Variants in RICTOR observed in about 807,000 individuals in gnomAD.
RICTOR encodes the protein RPTOR independent companion of MTOR complex 2.
A neutral mutation model predicts 214.9 loss-of-function variants in RICTOR; 49 were observed. The ratio of observed to expected loss-of-function variants is 0.23; its 90% CI spans 0.18 to 0.29. The LOEUF (loss-of-function observed/expected upper bound fraction) is 0.29, where lower values mean the gene tolerates loss of function less well. Ranked by LOEUF, RICTOR falls within the 10% of genes least tolerant of loss-of-function variation. The pLI is 1.00. For missense variants in RICTOR, 1,625 were observed against 2,047.0 expected (o/e 0.79, Z 3.98); for synonymous variants, 717 against 711.3 (o/e 1.01, Z -0.13).
intron 3 of RICTOR, among the ~76,000 whole-genome samples, chr5:39,005,050 G>A (rs1753944284): frequency 6.6e-6 from 1 of 152,114 alleles, no homozygotes; most frequent in Admixed American, 6.5e-5. Context: ...CAAAGTGCTG[G>A]GATTATGGGC....
At chr5:38,967,719 T>A (rs2150033333) in intron 12 of RICTOR, among the ~76,000 whole-genome samples, 1 of 152,302 alleles carries the variant, frequency 6.6e-6, no homozygotes, top group South Asian at 2.1e-4. Flanking sequence ...TTTGGCCCAT[T>A]CCTATTAATT....
chr5:39,033,004 C>G (rs1756380439), intron 2 of RICTOR, among the ~76,000 whole-genome samples: 2 of 152,176 alleles, frequency 1.3e-5, no homozygotes, highest in African/African-American at 4.8e-5. Context: ...AACATTACAG[C>G]ACATATAACA....
intron 2 of RICTOR, among the ~76,000 whole-genome samples, chr5:39,032,663 GAA>G (rs1240355261): frequency 6.6e-6 from 1 of 152,184 alleles, no homozygotes; most frequent in East Asian, 1.9e-4. Context: ...TCACACATTA[GAA>G]AAGAGGTTCA....
chr5:39,061,913 T>C (rs1164839135), intron 2 of RICTOR, among the ~76,000 whole-genome samples: 2 of 152,112 alleles, frequency 1.3e-5, no homozygotes, highest in South Asian at 2.1e-4. Context: ...AACAACAAAC[T>C]TTCCCATGAG....
chr5:39,058,881 G>C (rs1367681365), intron 2 of RICTOR, among the ~76,000 whole-genome samples: 2 of 151,782 alleles, frequency 1.3e-5, no homozygotes, highest in Non-Finnish European at 2.9e-5. Flanking sequence ...TAAATAATTT[G>C]ATTATTTTTC....
chr5:39,044,035 T>A (rs1757332894), intron 2 of RICTOR, among the ~76,000 whole-genome samples: 1 of 152,246 alleles, frequency 6.6e-6, no homozygotes, highest in South Asian at 2.1e-4. Flanking sequence ...AATCCATTAA[T>A]GGATTTACTA....
intron 2 of RICTOR, among the ~76,000 whole-genome samples, chr5:39,041,296 G>A (rs926965060): frequency 6.6e-6 from 1 of 152,146 alleles, no homozygotes; most frequent in Non-Finnish European, 1.5e-5. Flanking sequence ...GGAATAGCAA[G>A]AAATTCTATA....
intron 3 of RICTOR, among the ~76,000 whole-genome samples, 157 bp from the exon 4 acceptor site, chr5:39,003,779 T>A (rs1350820308): frequency 2.0e-5 from 3 of 152,176 alleles, no homozygotes; most frequent in Admixed American, 2.0e-4. Flanking sequence ...ATTTGTATCA[T>A]CTATTTCTCA....
chr5:38,945,951 T>C (rs753998963), intron 33 of RICTOR, among the ~76,000 whole-genome samples: 1 of 152,198 alleles, frequency 6.6e-6, no homozygotes, highest in Non-Finnish European at 1.5e-5. Context: ...ATTGAGATTA[T>C]ATAATACATC....
intron 2 of RICTOR, among the ~76,000 whole-genome samples, chr5:39,073,039 C>G (rs1759433585): frequency 6.6e-6 from 1 of 152,182 alleles, no homozygotes; most frequent in Non-Finnish European, 1.5e-5. Flanking sequence ...CAACAAGGAG[C>G]CCAGCTTTAA....
Position 38,966,557 on chromosome 5 carries a change from CA to C in RICTOR, c.1299+83del, listed in dbSNP as rs1297704414. The C allele has an allele frequency of 9.0e-5, 65 of 725,970 alleles. No homozygotes were observed. In the East Asian group the frequency reaches 1.8e-3, roughly 20 times the overall value. 45.0% of individuals were successfully genotyped at this position (725,970 alleles called of 1,614,324 possible). A position where few individuals can be genotyped will look rare whatever the true frequency, so the allele number is the denominator to read the frequency against. ...ATGCAAATTTATTTTTGAGATAATACAAAGCAACACTATTAAAATAACTTGT... is the reference window on the plus strand; with the variant it reads ...ATGCAAATTTATTTTTGAGATAATACAAGCAACACTATTAAAATAACTTGT... On this transcript the variant is annotated intron_variant, in intron 15 of 37. Transcript: ENST00000357387.
intron 2 of RICTOR, among the ~76,000 whole-genome samples, chr5:39,039,763 T>G (rs1253988299): frequency 6.6e-6 from 1 of 151,986 alleles, no homozygotes; most frequent in African/African-American, 2.4e-5. Context: ...AAAACCACAA[T>G]GAGATACCAT....
intron 2 of RICTOR, among the ~76,000 whole-genome samples, chr5:39,043,145 G>A (rs746019301): frequency 2.0e-5 from 3 of 152,044 alleles, no homozygotes; most frequent in South Asian, 2.1e-4. Flanking sequence ...CAAAGGAAAC[G>A]AAATCAGCAT....
intron 2 of RICTOR, among the ~76,000 whole-genome samples, chr5:39,041,003 C>T (rs887643577): frequency 6.6e-6 from 1 of 152,174 alleles, no homozygotes; most frequent in African/African-American, 2.4e-5. Context: ...AGAGATTTCA[C>T]TAGAGTATAA....
intron 24 of RICTOR, among the ~76,000 whole-genome samples, chr5:38,957,932 C>T (rs1749421146): frequency 6.6e-6 from 1 of 152,052 alleles, no homozygotes; most frequent in South Asian, 2.1e-4. Flanking sequence ...AACACGCGAA[C>T]CCAATCACAA....
chr5:39,016,585 A>T (rs991083457), intron 3 of RICTOR, among the ~76,000 whole-genome samples: 2 of 152,152 alleles, frequency 1.3e-5, no homozygotes, highest in African/African-American at 4.8e-5. Context: ...AAAGAAAAAA[A>T]GGGAAACTAA....
At chr5:39,062,592 A>C (rs919166217) in intron 2 of RICTOR, among the ~76,000 whole-genome samples, 1 of 152,150 alleles carries the variant, frequency 6.6e-6, no homozygotes, top group Non-Finnish European at 1.5e-5. Flanking sequence ...GATTTTTTGA[A>C]GTATGAAACT....
chr5:39,036,535 T>A (rs1249251674), intron 2 of RICTOR, among the ~76,000 whole-genome samples: 2 of 151,916 alleles, frequency 1.3e-5, no homozygotes, highest in East Asian at 1.9e-4. Flanking sequence ...TTGGATAAAG[T>A]ATCAAGACCC....
intron 2 of RICTOR, among the ~76,000 whole-genome samples, chr5:39,065,443 T>C (rs1485056142): frequency 6.6e-6 from 1 of 152,128 alleles, no homozygotes; most frequent in African/African-American, 2.4e-5. Context: ...ATCCAAACTG[T>C]ATCATTCTGC....
Sources: gnomAD v4.1 joint callset for allele counts (sites outside exome capture counted in the v4.1 genomes callset) on GRCh38, gnomAD v4.1.1 for gene constraint, MANE v1.5 for transcripts, NCBI Gene and HGNC (gene_info 2026-07-23, HGNC 2026-07-21) for gene names.